Variants in KSR2 observed in about 807,000 individuals in gnomAD.
The protein encoded by KSR2 is kinase suppressor of ras 2.
KSR2 carries 25 observed loss-of-function variants against 107.8 expected under a neutral mutation model. That is an observed-to-expected ratio of 0.23 (90% CI 0.17 to 0.32). The LOEUF is 0.32. Among genes scored for constraint, KSR2 ranks in the 10% least tolerant of loss-of-function variants. The pLI is 1.00. For missense variants in KSR2, 887 were observed against 1,268.9 expected, an observed-to-expected ratio of 0.70 and a Z score of 4.57; for synonymous variants, 480 against 507.0, an observed-to-expected ratio of 0.95 and a Z score of 0.71.
intron 1 of KSR2, among the ~76,000 whole-genome samples, chr12:117,931,112 G>A (rs1895685122): frequency 6.6e-6 from 1 of 152,044 alleles, no homozygotes; most frequent in East Asian, 1.9e-4. Flanking sequence ...CAGCGGCTGT[G>A]TCTCCCACAG....
At chr12:117,483,482 G>A (rs760038539) in intron 16 of KSR2, among the ~76,000 whole-genome samples, 12 of 151,906 alleles carry the variant, frequency 7.9e-5, no homozygotes, top group Non-Finnish European at 1.6e-4. Context: ...TGCACCATTC[G>A]TTATAAAATG....
intron 1 of KSR2, among the ~76,000 whole-genome samples, chr12:117,957,871 G>A (rs958441311): frequency 2.9e-5 from 4 of 139,662 alleles, no homozygotes; most frequent in African/African-American, 5.4e-5. Context: ...TCACTCTGTT[G>A]CCCAGGCTGG....
intron 4 of KSR2, among the ~76,000 whole-genome samples, chr12:117,744,054 A>G (rs1257309558): frequency 6.6e-6 from 1 of 152,162 alleles, no homozygotes; most frequent in African/African-American, 2.4e-5. Context: ...CCTCTCTTCC[A>G]TCTGATTCCT....
intron 4 of KSR2, among the ~76,000 whole-genome samples, chr12:117,671,838 C>T (rs1022974563): frequency 3.5e-4 from 49 of 139,464 alleles, no homozygotes; most frequent in African/African-American, 1.2e-3. Flanking sequence ...GAGTGGGGTG[C>T]CCTCTTGTGG....
At chr12:117,841,607 C>T (rs144079490) in intron 3 of KSR2, among the ~76,000 whole-genome samples, 1 of 152,280 alleles carries the variant, frequency 6.6e-6, no homozygotes, top group African/African-American at 2.4e-5. Context: ...ACAAAAGCCC[C>T]AAAGGGTTGC....
intron 4 of KSR2, among the ~76,000 whole-genome samples, chr12:117,695,128 C>T (rs1326012391): frequency 2.0e-5 from 3 of 151,938 alleles, no homozygotes; most frequent in African/African-American, 7.3e-5. Flanking sequence ...GGATTACAGG[C>T]GTGAGCCACC....
rs80199129 is a variant in KSR2, at chr12:117,649,834, A to C, written c.1171+17640T>G. Among the ~76,000 whole-genome samples the C allele has an allele frequency of 4.4e-3, 674 of 152,316 alleles. 13 individuals are homozygous for C. The highest frequency in any genetic ancestry group is 0.015 in the African/African-American group (628 of 41,568). On this transcript the variant is annotated intron_variant, in intron 5 of 19. Transcript: ENST00000339824. ...GGGGAATACAGCCCAACAGAAACAG[A>C]GAACTGAAATGGTTTTCTGTACAAT...
At chr12:117,946,976 C>T (rs1896197517) in intron 1 of KSR2, among the ~76,000 whole-genome samples, 1 of 151,492 alleles carries the variant, frequency 6.6e-6, no homozygotes, top group Non-Finnish European at 1.5e-5. Flanking sequence ...ACCAGCCTGA[C>T]CAACATAGTG....
intron 1 of KSR2, among the ~76,000 whole-genome samples, chr12:117,903,271 G>A (rs924926208): frequency 3.3e-5 from 5 of 152,142 alleles, no homozygotes; most frequent in Non-Finnish European, 5.9e-5. Flanking sequence ...ATCAGGGCTG[G>A]CCCACAGCTG....
intron 5 of KSR2, among the ~76,000 whole-genome samples, chr12:117,663,906 C>T (rs984503252): frequency 2.6e-5 from 4 of 152,150 alleles, no homozygotes; most frequent in African/African-American, 9.7e-5. Flanking sequence ...AAGCAAACCA[C>T]CAGAGCATGG....
intron 5 of KSR2, among the ~76,000 whole-genome samples, chr12:117,648,542 A>G (rs1286521863): frequency 1.3e-5 from 2 of 152,248 alleles, no homozygotes; most frequent in African/African-American, 2.4e-5. Flanking sequence ...AACAGAAAAG[A>G]TAAGATATTG....
intron 3 of KSR2, among the ~76,000 whole-genome samples, chr12:117,836,119 G>A (rs1219795330): frequency 6.6e-6 from 1 of 151,938 alleles, no homozygotes; most frequent in Non-Finnish European, 1.5e-5. Flanking sequence ...AGAAGATTGC[G>A]ATTGGGTGCT....
chr12:117,780,062 T>A (rs531273103), intron 3 of KSR2, among the ~76,000 whole-genome samples: 1 of 152,280 alleles, frequency 6.6e-6, no homozygotes, highest in East Asian at 1.9e-4. Flanking sequence ...AAAAAAGTAA[T>A]ACAGCTCATT....
chr12:117,811,738 G>A (rs1306903335), intron 3 of KSR2, among the ~76,000 whole-genome samples: 3 of 152,208 alleles, frequency 2.0e-5, no homozygotes, highest in Non-Finnish European at 2.9e-5. Flanking sequence ...GTCAGTGAAA[G>A]ATAATACCAG....
chr12:117,524,311 G>A (rs374576806), intron 14 of KSR2, among the ~76,000 whole-genome samples: 3 of 152,190 alleles, frequency 2.0e-5, no homozygotes, highest in South Asian at 2.1e-4. Context: ...AACTAGACCC[G>A]ATGTTTCTAA....
At chr12:117,483,557 C>CA (rs781663127) in intron 16 of KSR2, among the ~76,000 whole-genome samples, 128 of 151,350 alleles carry the variant, frequency 8.5e-4, no homozygotes, top group Middle Eastern at 3.4e-3. Flanking sequence ...AGAGAGACAG[C>CA]AAGAGAGAGA....
chr12:117,539,617 G>T, intron 10 of KSR2, 102 bp downstream of exon 10: 8 of 1,175,620 alleles, frequency 6.8e-6, no homozygotes, highest in Non-Finnish European at 9.3e-6. Context: ...TCGCTTTCCT[G>T]CAGAGACTTG....
rs542906790 is a variant in KSR2, at chr12:117,792,789, T to G, written c.473-31265A>C. The stretch of plus-strand genomic sequence containing the variant: ...AATAACCAGTTATTTTGATGTGGGG[T>G]GCGTCATCCCTAAAAATAACTGAGA... On this transcript the variant is annotated intron_variant, in intron 3 of 19. Coordinates refer to ENST00000339824, the MANE Select transcript of KSR2 (RefSeq NM_173598.6). Among the ~76,000 whole-genome samples, 3 of 152,276 alleles carry G rather than the reference T, an allele frequency of 2.0e-5. No homozygotes were observed. The South Asian group carries it at 6.2e-4, about 32-fold the overall frequency.
chr12:117,963,062 G>A (rs2137613748), intron 1 of KSR2, among the ~76,000 whole-genome samples: 1 of 151,852 alleles, frequency 6.6e-6, no homozygotes, highest in South Asian at 2.1e-4. Flanking sequence ...TGATGGTGCA[G>A]GCTTGTAATC....
Sources: allele counts gnomAD v4.1 joint callset (sites outside exome capture counted in the v4.1 genomes callset), GRCh38; gene constraint gnomAD v4.1.1; transcripts MANE v1.5; gene names NCBI Gene and HGNC (gene_info 2026-07-23, HGNC 2026-07-21).